The following CAMK1D variants were observed in gnomAD, a reference collection of about 807,000 sequenced individuals.
The protein encoded by CAMK1D is calcium/calmodulin-dependent protein kinase type 1D.
A neutral mutation model predicts 47.7 loss-of-function variants in CAMK1D; 9 were observed. The observed-to-expected ratio is 0.19, with a 90% CI of 0.11 to 0.33. The LOEUF is 0.33. CAMK1D is among the 10% of genes least tolerant of loss of function. The pLI is 1.00. For synonymous variants in CAMK1D, 184 were observed against 184.9 expected, an observed-to-expected ratio of 0.99 and a Z score of 0.04; for missense variants, 291 against 488.7, an observed-to-expected ratio of 0.60 and a Z score of 3.81.
chr10:12,569,802 G>A (rs1022167063), intron 2 of CAMK1D, among the ~76,000 whole-genome samples: 14 of 151,602 alleles, frequency 9.2e-5, no homozygotes, highest in Admixed American at 1.3e-4. Flanking sequence ...TTAAGTGCTC[G>A]AAACCAGTGT....
intron 1 of CAMK1D, among the ~76,000 whole-genome samples, chr10:12,413,271 A>G (rs1328648702): frequency 6.6e-6 from 1 of 152,108 alleles, no homozygotes; most frequent in East Asian, 1.9e-4. Context: ...CGGGAAGGGG[A>G]GTGCCACACA....
chr10:12,785,213 C>T (rs1350830628), intron 5 of CAMK1D, among the ~76,000 whole-genome samples: 2 of 152,190 alleles, frequency 1.3e-5, no homozygotes, highest in African/African-American at 4.8e-5. Context: ...TCCCTATAGC[C>T]ACTGACAGAG....
At chr10:12,499,069 C>CT (rs35158100) in intron 1 of CAMK1D, among the ~76,000 whole-genome samples, 1,360 of 123,020 alleles carry the variant, frequency 0.011, 30 homozygotes, top group African/African-American at 0.034. Context: ...TAAATTACAG[C>CT]TTTTTTTTTT....
chr10:12,716,626 C>T (rs1834146972), intron 3 of CAMK1D, among the ~76,000 whole-genome samples: 1 of 152,080 alleles, frequency 6.6e-6, no homozygotes, highest in Non-Finnish European at 1.5e-5. Context: ...CTTCTTTGCC[C>T]CATTTCCATC....
intron 3 of CAMK1D, among the ~76,000 whole-genome samples, chr10:12,678,741 A>G (rs1039032513): frequency 6.6e-6 from 1 of 152,118 alleles, no homozygotes; most frequent in Non-Finnish European, 1.5e-5. Context: ...CTTGTCTCTT[A>G]TAACAGTTTT....
At chr10:12,394,535 CAA>C (rs1467283163) in intron 1 of CAMK1D, among the ~76,000 whole-genome samples, 1 of 152,102 alleles carries the variant, frequency 6.6e-6, no homozygotes, top group Non-Finnish European at 1.5e-5. Flanking sequence ...TGATGAATAA[CAA>C]GAGATGTTCC....
At chr10:12,616,719 T>G (rs867195305) in intron 2 of CAMK1D, among the ~76,000 whole-genome samples, 1 of 152,094 alleles carries the variant, frequency 6.6e-6, no homozygotes, top group South Asian at 2.1e-4. Context: ...GGGTTTCACC[T>G]TGTTAGCCAG....
intron 1 of CAMK1D, among the ~76,000 whole-genome samples, chr10:12,534,689 A>G (rs904188638): frequency 3.9e-5 from 6 of 152,204 alleles, no homozygotes; most frequent in African/African-American, 1.4e-4. Flanking sequence ...TTAATAGCTT[A>G]ACAAAATAAG....
intron 2 of CAMK1D, among the ~76,000 whole-genome samples, chr10:12,650,075 G>A (rs540041132): frequency 3.5e-4 from 53 of 152,298 alleles, no homozygotes; most frequent in African/African-American, 1.0e-3. Flanking sequence ...GATAAAACCC[G>A]CACAGGTGAC....
rs569532280 is a variant in CAMK1D, at chr10:12,383,629, A to G, written c.92+33719A>G. On this transcript the variant is annotated intron_variant, in intron 1 of 10. Coordinates refer to ENST00000619168, the MANE Select transcript of CAMK1D (RefSeq NM_153498.4). ...AATATTGAAAATCTGTAAGATAACT[A>G]AATATTAAGGAAGTTGTGTATTGGG... Among the ~76,000 whole-genome samples, 27 of 152,332 alleles carry G rather than the reference A, an allele frequency of 1.8e-4. No homozygotes were observed. In the South Asian group the frequency reaches 5.2e-3, roughly 29 times the overall value.
chr10:12,525,246 C>T (rs779978745), intron 1 of CAMK1D, among the ~76,000 whole-genome samples: 11 of 152,166 alleles, frequency 7.2e-5, no homozygotes, highest in Non-Finnish European at 1.5e-4. Context: ...TGATGAACTT[C>T]TGTAATCAGT....
intron 7 of CAMK1D, 102 bp downstream of exon 7, chr10:12,814,409 A>G: frequency 1.5e-6 from 1 of 665,520 alleles, no homozygotes; most frequent in Non-Finnish European, 2.7e-6. Flanking sequence ...GGCTCAGAAC[A>G]GTCCTGAGGG....
At chr10:12,395,899 C>T (rs1022300013) in intron 1 of CAMK1D, among the ~76,000 whole-genome samples, 45 of 151,910 alleles carry the variant, frequency 3.0e-4, no homozygotes, top group African/African-American at 1.0e-3. Flanking sequence ...TGCACTCCAG[C>T]CTGGGCAACA....
intron 1 of CAMK1D, among the ~76,000 whole-genome samples, chr10:12,523,244 G>T (rs375317292): frequency 1.3e-5 from 2 of 150,354 alleles, no homozygotes; most frequent in African/African-American, 2.5e-5. Context: ...GGGAAGAGGC[G>T]CTCCTCACTT....
chr10:12,514,820 G>A (rs552761235), intron 1 of CAMK1D, among the ~76,000 whole-genome samples: 10 of 152,220 alleles, frequency 6.6e-5, no homozygotes, highest in African/African-American at 2.4e-4. Flanking sequence ...ACTGGTATAC[G>A]TTTATAGCCT....
chr10:12,786,931 T>C (rs1194039241), intron 5 of CAMK1D, among the ~76,000 whole-genome samples: 3 of 152,218 alleles, frequency 2.0e-5, no homozygotes, highest in Non-Finnish European at 4.4e-5. Flanking sequence ...GAGACCAGCT[T>C]GGCCAACAAG....
intron 2 of CAMK1D, among the ~76,000 whole-genome samples, chr10:12,656,844 G>A (rs1564471599): frequency 6.6e-6 from 1 of 151,920 alleles, no homozygotes; most frequent in Non-Finnish European, 1.5e-5. Context: ...ATGTGTGTGT[G>A]TATATACATT....
At chr10:12,526,357 G>A (rs1835621031) in intron 1 of CAMK1D, among the ~76,000 whole-genome samples, 1 of 152,194 alleles carries the variant, frequency 6.6e-6, no homozygotes, top group Non-Finnish European at 1.5e-5. Context: ...GTTTCTTTGG[G>A]TGTGTTTTAC....
chr10:12,391,976 AACACACACACACACACACAC>A (rs10659393), intron 1 of CAMK1D, among the ~76,000 whole-genome samples: 47 of 143,250 alleles, frequency 3.3e-4, no homozygotes, highest in Non-Finnish European at 9.1e-5. Flanking sequence ...CTTGTCTTAA[AACACACACACACACACACAC>A]ACACACACAC....
Sources: gnomAD v4.1 joint callset for allele counts (sites outside exome capture counted in the v4.1 genomes callset) on GRCh38, gnomAD v4.1.1 for gene constraint, MANE v1.5 for transcripts, NCBI Gene and HGNC (gene_info 2026-07-23, HGNC 2026-07-21) for gene names.